ANO2: variants seen among roughly 807,000 people sequenced by gnomAD.
ANO2 encodes the protein anoctamin 2.
In ANO2, 101 loss-of-function variants were observed where a neutral mutation model predicts 124.2. That is an observed-to-expected ratio of 0.81 (90% CI 0.69 to 0.96). The LOEUF (loss-of-function observed/expected upper bound fraction) is 0.96, where lower values mean the gene tolerates loss of function less well. ANO2 is among the 40% of genes least tolerant of loss of function. ANO2 has a pLI of 0.00. For missense variants in ANO2, 1,293 were observed against 1,274.5 expected (o/e 1.01, Z -0.22); for synonymous variants, 486 against 482.5 (o/e 1.01, Z -0.09).
At chr12:5,668,804 TC>T (rs1947857886) in intron 14 of ANO2, among the ~76,000 whole-genome samples, 2 of 152,340 alleles carry the variant, frequency 1.3e-5, no homozygotes, top group South Asian at 4.1e-4. Flanking sequence ...AAATAGGGAA[TC>T]CTTTCCCCAT....
chr12:5,725,307 T>C (rs961787197), intron 14 of ANO2, among the ~76,000 whole-genome samples: 8 of 152,176 alleles, frequency 5.3e-5, no homozygotes, highest in Non-Finnish European at 1.0e-4. Flanking sequence ...GGGGTGAGCA[T>C]TCCTGTGCTT....
At chr12:5,813,091 A>G (rs1953488438) in intron 7 of ANO2, among the ~76,000 whole-genome samples, 1 of 152,148 alleles carries the variant, frequency 6.6e-6, no homozygotes. Flanking sequence ...GAAAAAAGGA[A>G]GAGAGGAAGG....
At chr12:5,835,758 G>A (rs950321377) in intron 4 of ANO2, among the ~76,000 whole-genome samples, 10 of 152,158 alleles carry the variant, frequency 6.6e-5, no homozygotes, top group African/African-American at 1.9e-4. Flanking sequence ...CTCTATTGTC[G>A]TAAGGTCTTG....
chr12:5,697,083 C>A (rs564286114), intron 14 of ANO2, among the ~76,000 whole-genome samples: 2 of 152,264 alleles, frequency 1.3e-5, no homozygotes, highest in East Asian at 3.9e-4. Flanking sequence ...TTTTATTCAA[C>A]ACTGTACTAA....
In ANO2 at chr12:5,575,851, C is replaced by T. The variant is rs1942368595; in HGVS notation, c.2604G>A (p.Gln868=). 1.2e-6 allele frequency: 2 copies of T among 1,613,804 alleles called. No individual in the cohort carries two copies. The highest frequency in any genetic ancestry group is 1.3e-5 in the African/African-American group (1 of 74,914). The change falls in exon 23 of 25, where the codon CAG becomes CAA. Residue 868 remains glutamine, a synonymous_variant. Coordinates refer to ENST00000682330, the MANE Select transcript of ANO2 (RefSeq NM_001364791.2). The part of the protein sequence containing the change: ...GTQPENSQFD[Q]EVQFCRFKDY... ...TACTTTACCTGCAGAACTGAACCTC[C>T]TGGTCAAACTGTGAGTTTTCTGGCT...
At position 5,644,718 on chromosome 12, in the gene ANO2, C is replaced by T. The variant is rs549578471; in HGVS notation, c.1620+3009G>A. On this transcript the variant is annotated intron_variant, in intron 15 of 24. Transcript: ENST00000682330. ...TCCATATGGGATCACATCCAAGGTA[C>T]ATTCTTAGAATTTCTTTTAATGAGA... Among the ~76,000 whole-genome samples the T allele has an allele frequency of 8.3e-4, 127 of 152,310 alleles. 1 individual carries two copies. Among genetic ancestry groups the T allele is most frequent in the Non-Finnish European group, 8.8e-4 (60 of 68,026 alleles).
intron 19 of ANO2, among the ~76,000 whole-genome samples, chr12:5,610,710 G>A (rs1272857754): frequency 3.6e-5 from 3 of 82,416 alleles, no homozygotes; most frequent in Admixed American, 1.4e-4. Flanking sequence ...ACATGTATGT[G>A]TACACATATA....
chr12:5,626,278 G>C (rs1161249933), intron 16 of ANO2, among the ~76,000 whole-genome samples: 3 of 152,214 alleles, frequency 2.0e-5, no homozygotes, highest in African/African-American at 7.2e-5. Context: ...GGAGAGCAGG[G>C]GCCCTTGCTA....
At position 5,638,769 on chromosome 12, in the gene ANO2, C is replaced by T. The variant is rs142025294; in HGVS notation, c.1621-3422G>A. 5.0e-3 allele frequency among the ~76,000 whole-genome samples: 763 copies of T among 152,084 alleles called. 10 individuals carry two copies. Among genetic ancestry groups the T allele is most frequent in the African/African-American group, 0.017 (723 of 41,502 alleles). ...CTCTAGGGGATCTGGCTGCCTGGCA[C>T]ATGGTCATTTTATTATGGTTCCTGT... On this transcript the variant is annotated intron_variant, in intron 15 of 24. Transcript: ENST00000682330.
rs146356835 is a variant in ANO2, at chr12:5,748,823, C to T, written c.1190+2013G>A. On this transcript the variant is annotated intron_variant, in intron 11 of 24. Transcript: ENST00000682330. ...ACTCCCAATCAAGAGCACTTGCCCT[C>T]GGCCTCCCTCCCTCCCCTCTCCCCC... 9.3e-5 allele frequency among the ~76,000 whole-genome samples: 14 copies of T among 149,816 alleles called. No individual in the cohort carries two copies. The East Asian group carries it at 9.9e-4, about 11-fold the overall frequency.
intron 15 of ANO2, among the ~76,000 whole-genome samples, chr12:5,637,667 C>G (rs182763909): frequency 6.6e-6 from 1 of 152,278 alleles, no homozygotes; most frequent in East Asian, 1.9e-4. Context: ...TTTTCAAATT[C>G]AAGGAGCACT....
intron 14 of ANO2, among the ~76,000 whole-genome samples, chr12:5,713,257 A>G (rs1036008155): frequency 6.6e-6 from 1 of 152,252 alleles, no homozygotes; most frequent in Non-Finnish European, 1.5e-5. Flanking sequence ...GGAGCAATTC[A>G]AAACAGCTCC....
intron 4 of ANO2, among the ~76,000 whole-genome samples, chr12:5,833,963 G>C (rs1954235711): frequency 6.6e-6 from 1 of 152,078 alleles, no homozygotes; most frequent in African/African-American, 2.4e-5. Context: ...ACCATAAGAA[G>C]TCTACGGAGG....
At chr12:5,799,617 A>T (rs1952981267) in intron 9 of ANO2, 46 bp from the exon 10 acceptor site, 2 of 1,558,786 alleles carry the variant, frequency 1.3e-6, no homozygotes, top group Non-Finnish European at 1.8e-6. Context: ...GAGATGGGAA[A>T]CTTCACCTGA....
intron 14 of ANO2, among the ~76,000 whole-genome samples, chr12:5,690,060 G>A (rs1948866681): frequency 6.6e-6 from 1 of 152,066 alleles, no homozygotes; most frequent in South Asian, 2.1e-4. Flanking sequence ...GGCACAGCAG[G>A]GCAAAGTCAA....
At chr12:5,731,658 C>T (rs1382014445) in intron 14 of ANO2, among the ~76,000 whole-genome samples, 1 of 151,968 alleles carries the variant, frequency 6.6e-6, no homozygotes, top group South Asian at 2.1e-4. Context: ...ACAGGTATCC[C>T]AAAGAGCATC....
chr12:5,688,341 C>T (rs1311813689), intron 14 of ANO2, among the ~76,000 whole-genome samples: 7 of 152,190 alleles, frequency 4.6e-5, no homozygotes, highest in African/African-American at 1.4e-4. Flanking sequence ...TACAAGAGGC[C>T]GAAGCAAGGA....
intron 3 of ANO2, among the ~76,000 whole-genome samples, chr12:5,863,213 A>T (rs1955326195): frequency 2.0e-5 from 3 of 152,192 alleles, no homozygotes; most frequent in Admixed American, 1.3e-4. Context: ...CAAGGGTGAG[A>T]GAACCTCTTC....
At chr12:5,913,121 C>T (rs536333728) in intron 3 of ANO2, among the ~76,000 whole-genome samples, 221 of 152,256 alleles carry the variant, frequency 1.5e-3, no homozygotes, top group African/African-American at 3.7e-3. Context: ...GACGGAGCAA[C>T]GGGCAGGAAG....
Sources: allele counts gnomAD v4.1 joint callset (sites outside exome capture counted in the v4.1 genomes callset), GRCh38; gene constraint gnomAD v4.1.1; transcripts MANE v1.5; gene names NCBI Gene and HGNC (gene_info 2026-07-23, HGNC 2026-07-21).